Variants in EPB41L1 observed in about 807,000 individuals in gnomAD.
The protein encoded by EPB41L1 is erythrocyte membrane protein band 4.1 like 1.
Under a neutral mutation model 97.8 loss-of-function variants are expected in EPB41L1, and 29 were observed. That is an observed-to-expected ratio of 0.30 (90% CI 0.22 to 0.40). EPB41L1 has a LOEUF of 0.40. EPB41L1 is among the 10% of genes least tolerant of loss of function. The pLI is 1.00. For synonymous variants in EPB41L1, 383 were observed against 459.2 expected (o/e 0.83, Z 2.12); for missense variants, 812 against 1,162.3 (o/e 0.70, Z 4.38).
chr20:36,105,106 G>A (rs570880034), intron 1 of EPB41L1, among the ~76,000 whole-genome samples: 2 of 152,222 alleles, frequency 1.3e-5, no homozygotes, highest in Admixed American at 6.5e-5. Flanking sequence ...ATATTGGGAT[G>A]TGGGGGAAAT....
At chr20:36,210,524 T>G (rs1192986503) in intron 15 of EPB41L1, among the ~76,000 whole-genome samples, 1 of 151,938 alleles carries the variant, frequency 6.6e-6, no homozygotes, top group Non-Finnish European at 1.5e-5. Context: ...CCAACCTCCC[T>G]CCTACACTCT....
intron 15 of EPB41L1, among the ~76,000 whole-genome samples, chr20:36,210,623 T>TC (rs984905571): frequency 3.3e-5 from 5 of 152,102 alleles, no homozygotes; most frequent in African/African-American, 1.2e-4. Context: ...GGTTTTTTTT[T>TC]CTCCCTTTCG....
At chr20:36,150,510 A>G (rs1006511732), upstream of EPB41L1, 14 of 150,294 alleles carry the variant, frequency 9.3e-5, no homozygotes, top group Non-Finnish European at 1.8e-4. Flanking sequence ...GCACAGACCT[A>G]AAAACAGGGA....
At chr20:36,200,535 G>A (rs954856523) in intron 14 of EPB41L1, among the ~76,000 whole-genome samples, 97 of 152,202 alleles carry the variant, frequency 6.4e-4, no homozygotes, top group Non-Finnish European at 1.5e-4. Context: ...CATAGCCTAA[G>A]CCAGAGACAT....
chr20:36,211,126 C>T, intron 15 of EPB41L1, among the ~76,000 whole-genome samples: 1 of 143,682 alleles, frequency 7.0e-6, no homozygotes, highest in South Asian at 2.1e-4. Flanking sequence ...GTGGTTCACA[C>T]CTGTAATCCC....
chr20:36,176,869 T>C (rs1237255683), intron 3 of EPB41L1, among the ~76,000 whole-genome samples: 1 of 152,176 alleles, frequency 6.6e-6, no homozygotes, highest in African/African-American at 2.4e-5. Flanking sequence ...TGGCCTCAAG[T>C]GATCTGCCTG....
Position 36,103,837 on chromosome 20 carries a change from G to A in EPB41L1, c.-64-8589G>A, listed in dbSNP as rs1016018300. On this transcript the variant is annotated intron_variant, in intron 1 of 19. Coordinates refer to the EPB41L1 transcript ENST00000202028. ...CCTGCCTCAGCCTCCTGAGTAGCTG[G>A]GACTACAGGCGCCCGCCACCATGCC... 2.0e-5 allele frequency among the ~76,000 whole-genome samples: 3 copies of A among 151,730 alleles called. No homozygotes were observed. The East Asian group carries it at 5.8e-4, about 29-fold the overall frequency.
chr20:36,120,702 C>T lies in EPB41L1; in HGVS notation c.-10+8222C>T, dbSNP rs527943605. On this transcript the variant is annotated intron_variant, in intron 2 of 19. Transcript: ENST00000202028. ...CTCCTCCACTGGGTCCTGATTTAGT[C>T]CGCAAATTTTTATTAAAAACTCCAA... 3.9e-5 allele frequency among the ~76,000 whole-genome samples: 6 copies of T among 152,238 alleles called. No homozygotes were observed. The South Asian group carries it at 1.2e-3, about 32-fold the overall frequency.
At chr20:36,143,845 C>CTT (rs11434146) in intron 2 of EPB41L1, among the ~76,000 whole-genome samples, 9 of 150,798 alleles carry the variant, frequency 6.0e-5, no homozygotes, top group Non-Finnish European at 1.0e-4. Context: ...TTTTCTTTTT[C>CTT]TTTTTTTTTC....
At chr20:36,102,302 TC>T (rs2058046491) in intron 1 of EPB41L1, among the ~76,000 whole-genome samples, 1 of 152,070 alleles carries the variant, frequency 6.6e-6, no homozygotes, top group Admixed American at 6.6e-5. Context: ...TAGGAGAGGA[TC>T]CACAGGCACC....
At chr20:36,110,473 G>C (rs899266121) in intron 1 of EPB41L1, among the ~76,000 whole-genome samples, 2 of 152,136 alleles carry the variant, frequency 1.3e-5, no homozygotes, top group African/African-American at 4.8e-5. Flanking sequence ...GGGCTTCTGA[G>C]AAAGAGGCTT....
chr20:36,125,576 T>G (rs979917226), intron 2 of EPB41L1: 6 of 1,533,746 alleles, frequency 3.9e-6, no homozygotes, highest in South Asian at 1.2e-5. Flanking sequence ...AAAGGTAGAT[T>G]GAACCACAAG....
chr20:36,132,924 CTG>C (rs1469548129), intron 2 of EPB41L1, among the ~76,000 whole-genome samples: 2 of 152,246 alleles, frequency 1.3e-5, no homozygotes, highest in African/African-American at 4.8e-5. Flanking sequence ...ACCATCACTG[CTG>C]TGTGTGTACA....
intron 1 of EPB41L1, among the ~76,000 whole-genome samples, chr20:36,164,822 A>G (rs369583758): frequency 2.0e-5 from 3 of 152,002 alleles, no homozygotes; most frequent in East Asian, 3.9e-4. Context: ...AGTAGCTGGG[A>G]CTACAGGAGC....
At chr20:36,107,112 A>T (rs2147547300) in intron 1 of EPB41L1, among the ~76,000 whole-genome samples, 1 of 152,166 alleles carries the variant, frequency 6.6e-6, no homozygotes, top group African/African-American at 2.4e-5. Flanking sequence ...TTTAATATTT[A>T]ATTTTATTTG....
chr20:36,190,381 C>G lies in EPB41L1; in HGVS notation c.1124+7C>G. ...AGCATCATACATTCTTCCGGTGAGCCTGACCTTGGATGGGGTAATGGGGAT... is the reference window on the plus strand; with the variant it reads ...AGCATCATACATTCTTCCGGTGAGCGTGACCTTGGATGGGGTAATGGGGAT... On this transcript the variant is annotated splice_region_variant and intron_variant, in intron 10 of 21. Coordinates refer to ENST00000338074, the MANE Select transcript of EPB41L1 (RefSeq NM_012156.2). This position sits in a 1 kb window ranked among gnomAD's most constrained non-coding sequence, Gnocchi z 5.8. 6.2e-7 allele frequency: 1 copy of G among 1,613,716 alleles called. No homozygotes were observed. The highest frequency in any genetic ancestry group is 8.5e-7 in the Non-Finnish European group (1 of 1,179,830).
At chr20:36,152,997 G>A (rs778436994), upstream of EPB41L1, 2 of 456,584 alleles carry the variant, frequency 4.4e-6, no homozygotes, top group Non-Finnish European at 8.8e-6. Context: ...ACTGGGAGAA[G>A]CTGGCTTCAT....
chr20:36,131,787 C>T (rs1283121948), intron 2 of EPB41L1, among the ~76,000 whole-genome samples: 1 of 152,160 alleles, frequency 6.6e-6, no homozygotes, highest in African/African-American at 2.4e-5. Flanking sequence ...CTTCCTGCCT[C>T]CAGTGCTCTC....
Position 36,229,504 on chromosome 20 carries a change from A to AT in EPB41L1, c.*164_*165insT. The AT allele has an allele frequency of 1.5e-6, 1 of 686,764 alleles. No individual in the cohort carries two copies. The highest frequency in any genetic ancestry group is 2.6e-6 in the Non-Finnish European group (1 of 381,306). The allele number at this position is 686,764 out of a possible 1,614,324, so 42.5% of individuals were successfully genotyped here. On this transcript the variant is annotated 3_prime_UTR_variant, in exon 22 of 22. Coordinates refer to ENST00000338074, the MANE Select transcript of EPB41L1 (RefSeq NM_012156.2). Reference sequence around the variant, plus strand: ...GAAAAGCATATATATATAGATATATAGAGATATAGATATATATACAGGAAA... The same window carrying AT: ...GAAAAGCATATATATATAGATATATATGAGATATAGATATATATACAGGAAA...
Sources: gnomAD v4.1 joint callset for allele counts (sites outside exome capture counted in the v4.1 genomes callset) on GRCh38, gnomAD v4.1.1 for gene constraint, Gnocchi (gnomAD v3.1) non-coding constraint, MANE v1.5 for transcripts, NCBI Gene and HGNC (gene_info 2026-07-23, HGNC 2026-07-21) for gene names.